Variants in ERBB4 observed in about 807,000 individuals in gnomAD.
The protein encoded by ERBB4 is erb-b2 receptor tyrosine kinase 4.
Under a neutral mutation model 158.0 loss-of-function variants are expected in ERBB4, and 42 were observed. The ratio of observed to expected loss-of-function variants is 0.27; its 90% confidence interval spans 0.21 to 0.34. The LOEUF (loss-of-function observed/expected upper bound fraction) is 0.34, where lower values mean the gene tolerates loss of function less well. Among genes scored for constraint, ERBB4 ranks in the 10% least tolerant of loss-of-function variants. The pLI, the probability that ERBB4 is intolerant of heterozygous loss-of-function variation, is 1.00. For synonymous variants in ERBB4, 583 were observed against 558.7 expected (o/e 1.04, Z -0.61); for missense variants, 1,333 against 1,624.1 (o/e 0.82, Z 3.08).
chr2:211,733,444 A>G (rs1219598199), intron 5 of ERBB4, among the ~76,000 whole-genome samples: 2 of 147,596 alleles, frequency 1.4e-5, no homozygotes, highest in African/African-American at 5.4e-5. Context: ...GAATCTGCGT[A>G]AGAATACCAT....
chr2:211,681,825 T>C (rs1242724984), intron 12 of ERBB4, among the ~76,000 whole-genome samples: 2 of 152,136 alleles, frequency 1.3e-5, no homozygotes, highest in African/African-American at 4.8e-5. Flanking sequence ...AAGTTTTTCA[T>C]TTTGATAACT....
chr2:211,598,113 C>T (rs2068693910), intron 19 of ERBB4, among the ~76,000 whole-genome samples: 1 of 152,102 alleles, frequency 6.6e-6, no homozygotes. Flanking sequence ...TTTTGAAACA[C>T]TGACTGCCAA....
chr2:211,944,118 ATACACACTATATAT>A, intron 3 of ERBB4, among the ~76,000 whole-genome samples: 1 of 141,148 alleles, frequency 7.1e-6, no homozygotes, highest in South Asian at 2.1e-4. Flanking sequence ...CTATATATAT[ATACACACTATATAT>A]GTACACTATA....
At chr2:212,382,744 T>A (rs1244554112) in intron 1 of ERBB4, among the ~76,000 whole-genome samples, 1 of 151,366 alleles carries the variant, frequency 6.6e-6, no homozygotes, top group African/African-American at 2.4e-5. Flanking sequence ...TTAATATAGA[T>A]GTTTAATAGC....
intron 2 of ERBB4, among the ~76,000 whole-genome samples, chr2:212,087,795 T>C (rs575009437): frequency 2.0e-4 from 30 of 152,232 alleles, no homozygotes; most frequent in African/African-American, 6.5e-4. Context: ...GAAGATGTTA[T>C]AGATACATTT....
At chr2:212,301,700 C>T (rs1297646445) in intron 1 of ERBB4, among the ~76,000 whole-genome samples, 3 of 151,220 alleles carry the variant, frequency 2.0e-5, no homozygotes, top group Admixed American at 2.0e-4. Flanking sequence ...TTACCGTTTG[C>T]ACATACAATA....
chr2:211,589,440 C>T (rs944846688), intron 19 of ERBB4, among the ~76,000 whole-genome samples: 1 of 152,044 alleles, frequency 6.6e-6, no homozygotes, highest in Non-Finnish European at 1.5e-5. Context: ...AAATGAATGT[C>T]CACATATAAT....
At chr2:211,716,823 A>C (rs965137752) in intron 7 of ERBB4, among the ~76,000 whole-genome samples, 10 of 152,234 alleles carry the variant, frequency 6.6e-5, no homozygotes, top group African/African-American at 1.9e-4. Context: ...AAATTTTTTC[A>C]TAGACAAATA....
chr2:212,506,812 A>C (rs1347438957), intron 1 of ERBB4, among the ~76,000 whole-genome samples: 1 of 152,220 alleles, frequency 6.6e-6, no homozygotes, highest in Non-Finnish European at 1.5e-5. Context: ...AGGTGAACTA[A>C]CAAGTGCTGA....
chr2:212,168,480 A>G (rs1361642472), intron 1 of ERBB4, among the ~76,000 whole-genome samples: 1 of 152,166 alleles, frequency 6.6e-6, no homozygotes, highest in African/African-American at 2.4e-5. Context: ...AATGGAGGGC[A>G]CCATGCTAAG....
chr2:211,905,253 C>T (rs762167873), intron 3 of ERBB4, among the ~76,000 whole-genome samples: 6 of 151,886 alleles, frequency 4.0e-5, no homozygotes, highest in Non-Finnish European at 8.8e-5. Context: ...AGCTCATAGT[C>T]CCCTTCCTTC....
At chr2:212,334,272 A>G (rs914819575) in intron 1 of ERBB4, among the ~76,000 whole-genome samples, 1 of 151,922 alleles carries the variant, frequency 6.6e-6, no homozygotes, top group African/African-American at 2.4e-5. Flanking sequence ...TACTTATCCT[A>G]CAATACTCAA....
intron 12 of ERBB4, among the ~76,000 whole-genome samples, chr2:211,697,594 C>T (rs1325019159): frequency 1.3e-5 from 2 of 151,432 alleles, no homozygotes; most frequent in Admixed American, 6.6e-5. Context: ...AGAACAACTC[C>T]CAAATTAAAA....
chr2:211,889,188 G>A (rs1287264414), intron 3 of ERBB4, among the ~76,000 whole-genome samples: 5 of 144,128 alleles, frequency 3.5e-5, no homozygotes, highest in Non-Finnish European at 7.5e-5. Context: ...CTCCCAGCAC[G>A]CAGCTGGAGA....
chr2:211,860,433 TA>T (rs1454317099), intron 3 of ERBB4, among the ~76,000 whole-genome samples: 1 of 152,152 alleles, frequency 6.6e-6, no homozygotes, highest in African/African-American at 2.4e-5. Flanking sequence ...AATTTTAGAT[TA>T]AAAACAGATT....
chr2:212,182,289 G>T (rs1322780319), intron 1 of ERBB4, among the ~76,000 whole-genome samples: 4 of 151,650 alleles, frequency 2.6e-5, no homozygotes, highest in Non-Finnish European at 5.9e-5. Context: ...AAATCACTGG[G>T]GATGGTATTG....
chr2:211,996,564 C>T (rs2082205041), intron 2 of ERBB4, among the ~76,000 whole-genome samples: 1 of 152,054 alleles, frequency 6.6e-6, no homozygotes, highest in Non-Finnish European at 1.5e-5. Context: ...TTAAGGTTTT[C>T]CCCAAGCTAT....
intron 4 of ERBB4, chr2:211,777,584 C>T (rs970144781): frequency 1.3e-5 from 2 of 152,074 alleles, no homozygotes; most frequent in African/African-American, 4.8e-5. Context: ...CGAGGTTTAC[C>T]CCCATTACAG....
intron 19 of ERBB4, among the ~76,000 whole-genome samples, chr2:211,591,137 A>G (rs1255838953): frequency 6.6e-6 from 1 of 152,224 alleles, no homozygotes; most frequent in African/African-American, 2.4e-5. Flanking sequence ...GATTTATCAT[A>G]CATATAACTG....
Sources: allele counts gnomAD v4.1 joint callset (sites outside exome capture counted in the v4.1 genomes callset), GRCh38; gene constraint gnomAD v4.1.1; transcripts MANE v1.5; gene names NCBI Gene and HGNC (gene_info 2026-07-23, HGNC 2026-07-21).